The following OSMR variants were observed in gnomAD, a reference collection of about 807,000 sequenced individuals.
OSMR encodes oncostatin M receptor, also known as oncostatin-M-specific receptor subunit beta.
Under a neutral mutation model 99.9 loss-of-function variants are expected in OSMR, and 81 were observed. That is an observed-to-expected ratio of 0.81 (90% CI 0.68 to 0.97). The LOEUF (loss-of-function observed/expected upper bound fraction) is 0.97, where lower values mean the gene tolerates loss of function less well. Ranked by LOEUF, OSMR falls within the 50% of genes least tolerant of loss-of-function variation. OSMR has a pLI of 0.00. For missense variants in OSMR, 1,099 were observed against 1,153.4 expected (o/e 0.95, Z 0.68); for synonymous variants, 406 against 410.4 (o/e 0.99, Z 0.13).
At chr5:38,880,786 C>G (rs1447742869) in intron 3 of OSMR, among the ~76,000 whole-genome samples, 3 of 152,136 alleles carry the variant, frequency 2.0e-5, no homozygotes, top group Admixed American at 6.5e-5. Context: ...TTATAGAAGG[C>G]CTTGCATGAC....
chr5:38,862,102 A>AC (rs560641416), intron 1 of OSMR, among the ~76,000 whole-genome samples: 12,515 of 14,996 alleles, frequency 0.83, 5,029 homozygotes, highest in Admixed American at 0.88. Context: ...TGGGGGGCTG[A>AC]CCCCCCACCT....
At chr5:38,862,137 G>A (rs1431333305) in intron 1 of OSMR, among the ~76,000 whole-genome samples, 1 of 129,278 alleles carries the variant, frequency 7.7e-6, no homozygotes, top group Non-Finnish European at 1.7e-5. Flanking sequence ...GCGGCTGGCC[G>A]GGCAGAGGGG....
At chr5:38,861,077 G>T (rs901499371) in intron 1 of OSMR, among the ~76,000 whole-genome samples, 1 of 152,056 alleles carries the variant, frequency 6.6e-6, no homozygotes, top group East Asian at 1.9e-4. Context: ...TTCTGTTGTG[G>T]TTTGAGGAAA....
At chr5:38,905,304 C>T (rs1316361266) in intron 9 of OSMR, among the ~76,000 whole-genome samples, 3 of 152,032 alleles carry the variant, frequency 2.0e-5, no homozygotes, top group Non-Finnish European at 2.9e-5. Context: ...GCCTGACCAA[C>T]ATGGTGAAAC....
chr5:38,868,081 T>A (rs2112229079), intron 1 of OSMR, among the ~76,000 whole-genome samples: 1 of 152,396 alleles, frequency 6.6e-6, no homozygotes, highest in Admixed American at 6.5e-5. Flanking sequence ...GTATTTGTTC[T>A]CTTTCTAATC....
intron 9 of OSMR, among the ~76,000 whole-genome samples, chr5:38,909,198 A>G (rs992618370): frequency 3.9e-5 from 6 of 152,230 alleles, no homozygotes; most frequent in Admixed American, 1.3e-4. Context: ...AAAAATAAAG[A>G]AAAAAATAAA....
intron 9 of OSMR, among the ~76,000 whole-genome samples, chr5:38,917,018 C>T (rs771239810): frequency 3.3e-5 from 5 of 151,930 alleles, no homozygotes; most frequent in Non-Finnish European, 4.4e-5. Context: ...GTGACCCAGG[C>T]GCAGGCAAGG....
intron 7 of OSMR, among the ~76,000 whole-genome samples, chr5:38,894,214 C>G (rs1463777718): frequency 2.0e-5 from 3 of 152,104 alleles, no homozygotes; most frequent in Admixed American, 1.3e-4. Flanking sequence ...ATACCTGTTA[C>G]CACAACATCA....
intron 9 of OSMR, among the ~76,000 whole-genome samples, chr5:38,911,132 C>T (rs1745550186): frequency 6.6e-6 from 1 of 152,056 alleles, no homozygotes; most frequent in Non-Finnish European, 1.5e-5. Flanking sequence ...AAAAACTATA[C>T]AAAAGATCAA....
At chr5:38,883,644 A>C in intron 4 of OSMR, 183 bp from the exon 5 acceptor site, 1 of 935,892 alleles carries the variant, frequency 1.1e-6, no homozygotes, top group Non-Finnish European at 1.3e-6. Flanking sequence ...CAATAGGAGC[A>C]GTGGTGGAAA....
chr5:38,929,607 G>A (rs1326440412), intron 15 of OSMR, among the ~76,000 whole-genome samples: 1 of 152,156 alleles, frequency 6.6e-6, no homozygotes, highest in Admixed American at 6.5e-5. Context: ...ATACCTTGCT[G>A]GTGGGAGTAA....
At chr5:38,886,761 G>T (rs1354514376) in intron 7 of OSMR, 1 of 152,358 alleles carries the variant, frequency 6.6e-6, no homozygotes, top group Non-Finnish European at 1.5e-5. Context: ...GGATTTGCAG[G>T]TTGTATCAAA....
At chr5:38,896,763 G>C (rs1292359125) in intron 7 of OSMR, among the ~76,000 whole-genome samples, 1 of 151,850 alleles carries the variant, frequency 6.6e-6, no homozygotes, top group Non-Finnish European at 1.5e-5. Context: ...TCCCCATTCA[G>C]TATGATACTA....
At chr5:38,891,015 A>T (rs1220814876) in intron 7 of OSMR, among the ~76,000 whole-genome samples, 1 of 152,178 alleles carries the variant, frequency 6.6e-6, no homozygotes, top group African/African-American at 2.4e-5. Context: ...AATGACAGGG[A>T]TTTAGACCAG....
At chr5:38,891,330 T>C (rs1434293436) in intron 7 of OSMR, among the ~76,000 whole-genome samples, 1 of 152,202 alleles carries the variant, frequency 6.6e-6, no homozygotes, top group Non-Finnish European at 1.5e-5. Context: ...TTTCTTAAGA[T>C]GGCTTTGTTT....
intron 2 of OSMR, among the ~76,000 whole-genome samples, chr5:38,871,803 G>C (rs1031189643): frequency 6.6e-6 from 1 of 152,104 alleles, no homozygotes; most frequent in African/African-American, 2.4e-5. Flanking sequence ...CATATGATGA[G>C]TGTTTTTCTT....
At chr5:38,935,774 T>C (rs1398771530), downstream of OSMR, 1 of 152,170 alleles carries the variant, frequency 6.6e-6, no homozygotes, top group Non-Finnish European at 1.5e-5. Context: ...ATCAGAATCT[T>C]TGGGGCATGG....
chr5:38,909,491 G>C (rs932321622), intron 9 of OSMR, among the ~76,000 whole-genome samples: 1 of 152,122 alleles, frequency 6.6e-6, no homozygotes, highest in South Asian at 2.1e-4. Context: ...GAGACAGGGC[G>C]GGTCACCTAC....
intron 1 of OSMR, among the ~76,000 whole-genome samples, chr5:38,852,718 ATTTTTTTTTTTTTTTTTTT>A (rs61559728): frequency 4.2e-5 from 3 of 70,680 alleles, no homozygotes. Flanking sequence ...TATTGTTTTC[ATTTTTTTTTTTTTTTTTTT>A]TTTTTTTTTT....
Sources: allele counts gnomAD v4.1 joint callset (sites outside exome capture counted in the v4.1 genomes callset), GRCh38; gene constraint gnomAD v4.1.1; transcripts MANE v1.5; gene names NCBI Gene and HGNC (gene_info 2026-07-23, HGNC 2026-07-21).